The following PDE1A variants were observed in gnomAD, a reference collection of about 807,000 sequenced individuals.
PDE1A encodes the protein phosphodiesterase 1A.
A neutral mutation model predicts 61.7 loss-of-function variants in PDE1A; 35 were observed. That is an observed-to-expected ratio of 0.57 (90% CI 0.43 to 0.75). The LOEUF (loss-of-function observed/expected upper bound fraction) is 0.75. Among genes scored for constraint, PDE1A ranks in the 30% least tolerant of loss-of-function variants. The pLI is 0.00. For missense variants in PDE1A, 597 were observed against 630.6 expected (o/e 0.95, Z 0.57); for synonymous variants, 232 against 213.2 (o/e 1.09, Z -0.77).
chr2:182,705,466 G>A, the PDE1A span, among the ~76,000 whole-genome samples: 1 of 152,070 alleles, frequency 6.6e-6, no homozygotes, highest in African/African-American at 2.4e-5. Context: ...AGTAGATTAG[G>A]TCTTTGGGCT....
At chr2:182,525,601 C>A (rs73046461), upstream of PDE1A, among the ~76,000 whole-genome samples, 1,829 of 152,236 alleles carry the variant, frequency 0.012, 40 homozygotes, top group African/African-American at 0.042. Flanking sequence ...TCTCCTTCAC[C>A]TTCCGCCAAG....
At chr2:182,648,089 A>G in the PDE1A span, among the ~76,000 whole-genome samples, 1 of 152,206 alleles carries the variant, frequency 6.6e-6, no homozygotes, top group Non-Finnish European at 1.5e-5. Flanking sequence ...CTACTAAACC[A>G]TGGTATATTG....
At chr2:182,539,652 GA>G in the PDE1A span, among the ~76,000 whole-genome samples, 1 of 152,020 alleles carries the variant, frequency 6.6e-6, no homozygotes, top group African/African-American at 2.4e-5. Flanking sequence ...ATTTTGCCAG[GA>G]AAAAAACGTT....
chr2:182,713,383 C>T, the PDE1A span, among the ~76,000 whole-genome samples: 1 of 152,102 alleles, frequency 6.6e-6, no homozygotes, highest in Non-Finnish European at 1.5e-5. Context: ...ATTAAATGTG[C>T]ACTTTGGGAG....
Position 182,287,426 on chromosome 2 carries a change from C to T in PDE1A, c.54-23012G>A, listed in dbSNP as rs529430469. ...TTGTCTGTCTATCATCTATCTATCA[C>T]GTCTATTTACCTATCTATTTATGAC... is the stretch of plus-strand genomic sequence containing the variant. On this transcript the variant is annotated intron_variant, in intron 1 of 13. Coordinates refer to ENST00000351439, the Ensembl canonical transcript of PDE1A. Among the ~76,000 whole-genome samples, 373 of 152,198 alleles carry T rather than the reference C, an allele frequency of 2.5e-3. 1 individual carries two copies. Among genetic ancestry groups the T allele is most frequent in the African/African-American group, 8.7e-3 (361 of 41,548 alleles).
intron 2 of PDE1A, among the ~76,000 whole-genome samples, chr2:182,470,740 T>C (rs1023915708): frequency 7.9e-5 from 12 of 151,802 alleles, no homozygotes; most frequent in African/African-American, 2.2e-4. Flanking sequence ...GCACTGTTCA[T>C]GGGACAGCAA....
the PDE1A span, among the ~76,000 whole-genome samples, chr2:182,535,543 T>C: frequency 1.1e-4 from 16 of 152,178 alleles, no homozygotes; most frequent in African/African-American, 3.1e-4. Flanking sequence ...AATTAACTTA[T>C]TGAATTTAAT....
At chr2:182,187,363 G>A (rs2125403096) in intron 11 of PDE1A, among the ~76,000 whole-genome samples, 1 of 152,282 alleles carries the variant, frequency 6.6e-6, no homozygotes, top group East Asian at 1.9e-4. Flanking sequence ...GGCAGAGGAG[G>A]AGACAACAAC....
chr2:182,574,881 G>A, the PDE1A span, among the ~76,000 whole-genome samples: 46 of 152,138 alleles, frequency 3.0e-4, 1 homozygote, highest in African/African-American at 1.0e-3. Context: ...TAGTAGAGAC[G>A]GGGTTTCACT....
chr2:182,352,247 T>C (rs934717588), intron 1 of PDE1A, among the ~76,000 whole-genome samples: 1 of 152,232 alleles, frequency 6.6e-6, no homozygotes, highest in African/African-American at 2.4e-5. Flanking sequence ...TCCTCAACTG[T>C]GATGCAAAGC....
chr2:182,525,118 T>C (rs1690758059), upstream of PDE1A, among the ~76,000 whole-genome samples: 1 of 152,108 alleles, frequency 6.6e-6, no homozygotes, highest in Non-Finnish European at 1.5e-5. Context: ...AATAATAACA[T>C]CTCCTCATAG....
At chr2:182,385,679 G>GAAAAAAAGAAAGA (rs1559403731) in intron 1 of PDE1A, among the ~76,000 whole-genome samples, 2 of 76,348 alleles carry the variant, frequency 2.6e-5, no homozygotes, top group Non-Finnish European at 3.4e-5. Context: ...AGAAAGAAAA[G>GAAAAAAAGAAAGA]AAAGAAAGAA....
chr2:182,548,472 C>T, the PDE1A span, among the ~76,000 whole-genome samples: 1 of 152,134 alleles, frequency 6.6e-6, no homozygotes, highest in Non-Finnish European at 1.5e-5. Flanking sequence ...CCAATCTGTG[C>T]CTGACAACTG....
the PDE1A span, among the ~76,000 whole-genome samples, chr2:182,599,836 A>G: frequency 6.6e-6 from 1 of 152,246 alleles, no homozygotes; most frequent in Non-Finnish European, 1.5e-5. Flanking sequence ...TATGCCAGTT[A>G]TTGACCCAAA....
At chr2:182,320,696 G>T (rs561314987) in intron 1 of PDE1A, among the ~76,000 whole-genome samples, 1 of 152,042 alleles carries the variant, frequency 6.6e-6, no homozygotes, top group Admixed American at 6.6e-5. Context: ...TCCAATGTTC[G>T]TAGCTAACTT....
At chr2:182,225,926 T>A (rs1409910616) in intron 6 of PDE1A, among the ~76,000 whole-genome samples, 1 of 149,908 alleles carries the variant, frequency 6.7e-6, no homozygotes, top group Non-Finnish European at 1.5e-5. Flanking sequence ...ATAGACACAT[T>A]TAATTGTGAG....
At chr2:182,190,987 A>C (rs1452881202) in intron 10 of PDE1A, among the ~76,000 whole-genome samples, 1 of 152,110 alleles carries the variant, frequency 6.6e-6, no homozygotes, top group African/African-American at 2.4e-5. Flanking sequence ...TCCATAATTT[A>C]GAATAGCAAC....
At chr2:182,158,054 T>C (rs1313314942) in intron 13 of PDE1A, among the ~76,000 whole-genome samples, 2 of 152,170 alleles carry the variant, frequency 1.3e-5, no homozygotes, top group Non-Finnish European at 2.9e-5. Flanking sequence ...ATACCTAACT[T>C]TGGCTGGCTA....
At chr2:182,565,247 C>A in the PDE1A span, among the ~76,000 whole-genome samples, 4 of 152,136 alleles carry the variant, frequency 2.6e-5, no homozygotes, top group Non-Finnish European at 5.9e-5. Flanking sequence ...GATGTCCTTT[C>A]TGTTTGTTAG....
Sources: allele counts gnomAD v4.1 joint callset (sites outside exome capture counted in the v4.1 genomes callset), GRCh38; gene constraint gnomAD v4.1.1; transcripts MANE v1.5; gene names NCBI Gene and HGNC (gene_info 2026-07-23, HGNC 2026-07-21).